DGCR2: variants seen among roughly 807,000 people sequenced by gnomAD.
DGCR2 encodes the protein integral membrane protein DGCR2/IDD.
A neutral mutation model predicts 51.6 loss-of-function variants in DGCR2; 24 were observed. The ratio of observed to expected loss-of-function variants is 0.47; its 90% confidence interval spans 0.34 to 0.65. The LOEUF (loss-of-function observed/expected upper bound fraction) is 0.65. Ranked by LOEUF, DGCR2 falls within the 30% of genes least tolerant of loss-of-function variation. The pLI, the probability that DGCR2 is intolerant of heterozygous loss-of-function variation, is 0.01. For missense variants in DGCR2, 765 were observed against 772.1 expected, an observed-to-expected ratio of 0.99 and a Z score of 0.11; for synonymous variants, 340 against 315.4, an observed-to-expected ratio of 1.08 and a Z score of -0.82.
intron 3 of DGCR2, 80 bp downstream of exon 3, chr22:19,068,020 G>C: frequency 6.8e-7 from 1 of 1,464,098 alleles, no homozygotes; most frequent in Non-Finnish European, 9.0e-7. Flanking sequence ...CCCTCACGCA[G>C]CACAGTAGTG....
chr22:19,063,094 C>A, intron 5 of DGCR2, 108 bp downstream of exon 5: 3 of 1,067,562 alleles, frequency 2.8e-6, no homozygotes, highest in Non-Finnish European at 4.2e-6. Flanking sequence ...ACTCCCTGCA[C>A]AGCACCCCTA....
intron 1 of DGCR2, among the ~76,000 whole-genome samples, chr22:19,108,392 G>T (rs1003612480): frequency 6.6e-6 from 1 of 151,498 alleles, no homozygotes; most frequent in East Asian, 1.9e-4. Context: ...GCAACACAGG[G>T]ATCCAGTCTC....
chr22:19,041,473 G>C, intron 8 of DGCR2, 179 bp from the exon 9 acceptor site: 1 of 646,432 alleles, frequency 1.5e-6, no homozygotes, highest in East Asian at 2.7e-5. Flanking sequence ...GTGCTCCGTG[G>C]CATGTCTCAC....
In DGCR2 at chr22:19,038,384, C is replaced by T. The variant is rs1894262; in HGVS notation, c.*481G>A. 23,950 of 160,520 alleles carry T rather than the reference C, an allele frequency of 0.15. 1,981 individuals carry two copies. The highest frequency in any genetic ancestry group is 0.26 in the South Asian group (1,459 of 5,666). 9.9% of individuals were successfully genotyped at this position (160,520 alleles called of 1,614,324 possible). ...TGCCTCCCTGAAGCAGACCCACTGC[C>T]TACGCCACACTGACGGTCCAGAGGC... On this transcript the variant is annotated 3_prime_UTR_variant, in exon 10 of 10. Coordinates refer to ENST00000263196, the MANE Select transcript of DGCR2 (RefSeq NM_005137.3).
At chr22:19,082,726 C>T (rs1233684505) in intron 2 of DGCR2, among the ~76,000 whole-genome samples, 1 of 150,280 alleles carries the variant, frequency 6.7e-6, no homozygotes, top group Non-Finnish European at 1.5e-5. Context: ...CTCCAGCCTC[C>T]AGCCTGGGTG....
chr22:19,058,917 C>T (rs865873711), intron 5 of DGCR2, among the ~76,000 whole-genome samples: 3 of 152,354 alleles, frequency 2.0e-5, no homozygotes, highest in Admixed American at 6.5e-5. Context: ...ACCTGTGTAG[C>T]GCCCCTGCCC....
chr22:19,091,382 A>G (rs545027133), intron 1 of DGCR2, among the ~76,000 whole-genome samples: 1 of 152,330 alleles, frequency 6.6e-6, no homozygotes, highest in Non-Finnish European at 1.5e-5. Flanking sequence ...GCTGGAGTGT[A>G]TTAATATCAC....
chr22:19,038,714 G>T lies in DGCR2; in HGVS notation c.*151C>A. ...CACTTCTTTTGGCAGAAGGCGGGCTGTGGTCTCTATGTACACACGCGAGCC... is the reference window on the plus strand; with the variant it reads ...CACTTCTTTTGGCAGAAGGCGGGCTTTGGTCTCTATGTACACACGCGAGCC... On this transcript the variant is annotated 3_prime_UTR_variant, in exon 10 of 10. Transcript: ENST00000263196. 1 of 1,050,894 alleles carries T rather than the reference G, an allele frequency of 9.5e-7. No homozygotes were observed. Among genetic ancestry groups the T allele is most frequent in the Non-Finnish European group, 1.4e-6 (1 of 728,412 alleles). The allele number at this position is 1,050,894 out of a possible 1,614,324, so 65.1% of individuals were successfully genotyped here. A position where few individuals can be genotyped will look rare whatever the true frequency, so the allele number is the denominator to read the frequency against.
At chr22:19,076,035 T>C (rs1205821385) in intron 2 of DGCR2, among the ~76,000 whole-genome samples, 1 of 152,146 alleles carries the variant, frequency 6.6e-6, no homozygotes, top group African/African-American at 2.4e-5. Flanking sequence ...CTCAGCTCAC[T>C]GCAACCTCCG....
rs765884978 is a variant in DGCR2, at chr22:19,038,957, G to A, written c.1561C>T (p.Pro521Ser). 3 of 1,612,182 alleles carry A rather than the reference G, an allele frequency of 1.9e-6. No homozygotes were observed. The highest frequency in any genetic ancestry group is 1.3e-5 in the African/African-American group (1 of 74,938). Residue 521 changes from proline (P) to serine (S), a missense_variant, in exon 10 of 10, where the codon CCT becomes TCT. Physicochemically the swap from Pro to Ser is moderately conservative, Grantham distance 74. Around this residue, in one of 3 missense-constraint regions of DGCR2, gnomAD observed 205 missense variants for 181.4 expected, o/e 1.13. Transcript: ENST00000263196. ...ADSSSALLVP[P>S]DPAQSGSTPA... ...GTGCTCCCGCTCTGGGCAGGGTCAG[G>A]GGGCACGAGCAGGGCGCTGCTGCTG...
At chr22:19,092,318 T>C (rs1313158087) in intron 1 of DGCR2, among the ~76,000 whole-genome samples, 1 of 150,430 alleles carries the variant, frequency 6.6e-6, no homozygotes, top group Non-Finnish European at 1.5e-5. Context: ...CACTGCAGCC[T>C]GGGCGACAGA....
At chr22:19,118,049 C>A (rs1321834376) in intron 1 of DGCR2, among the ~76,000 whole-genome samples, 4 of 152,168 alleles carry the variant, frequency 2.6e-5, no homozygotes. Flanking sequence ...GCACCAAACC[C>A]CTGTGCTACT....
At chr22:19,089,622 C>A in intron 1 of DGCR2, 132 bp from the exon 2 acceptor site, 8 of 1,094,192 alleles carry the variant, frequency 7.3e-6, no homozygotes, top group Non-Finnish European at 9.6e-6. Flanking sequence ...TTCTGTCACC[C>A]AGGCTGGAGT....
At chr22:19,122,105 A>G in intron 1 of DGCR2, 23 bp downstream of exon 1, 7 of 1,473,624 alleles carry the variant, frequency 4.8e-6, no homozygotes, top group South Asian at 1.3e-5. Flanking sequence ...CAGCCCCCAC[A>G]CCGCCCCCAT....
intron 6 of DGCR2, chr22:19,056,338 C>A: frequency 4.1e-6 from 1 of 242,406 alleles, no homozygotes; most frequent in Non-Finnish European, 8.1e-6. Context: ...AAAAGAGGAC[C>A]ACCGTCAACA....
intron 5 of DGCR2, 100 bp downstream of exon 5, chr22:19,063,091 GCACAGCACCCC>G: frequency 9.6e-7 from 1 of 1,039,412 alleles, no homozygotes; most frequent in Non-Finnish European, 1.5e-6. Context: ...CCCACTCCCT[GCACAGCACCCC>G]TACGGGCCAG....
At chr22:19,049,091 G>A (rs1268177334) in intron 6 of DGCR2, among the ~76,000 whole-genome samples, 1 of 152,242 alleles carries the variant, frequency 6.6e-6, no homozygotes, top group Admixed American at 6.5e-5. Context: ...GAGCCAGGAT[G>A]GAGCACAATG....
chr22:19,100,713 T>C (rs942001929), intron 1 of DGCR2, among the ~76,000 whole-genome samples: 6 of 151,848 alleles, frequency 4.0e-5, no homozygotes, highest in African/African-American at 1.5e-4. Context: ...ACTTCTTCAT[T>C]CTAAGACACC....
At chr22:19,102,091 A>T (rs187614705) in intron 1 of DGCR2, among the ~76,000 whole-genome samples, 15 of 152,328 alleles carry the variant, frequency 9.8e-5, no homozygotes, top group African/African-American at 3.4e-4. Flanking sequence ...ATCAGCCATA[A>T]AAAGGAAGAA....
Sources: gnomAD v4.1 joint callset for allele counts (sites outside exome capture counted in the v4.1 genomes callset) on GRCh38, gnomAD v4.1.1 for gene constraint, gnomAD v4.1.1 regional missense constraint, MANE v1.5 for transcripts, NCBI Gene and HGNC (gene_info 2026-07-23, HGNC 2026-07-21) for gene names.